The following METTL24 variants were observed in gnomAD, a reference collection of about 807,000 sequenced individuals.
METTL24 encodes probable methyltransferase-like protein 24.
A neutral mutation model predicts 32.7 loss-of-function variants in METTL24; 29 were observed. The observed-to-expected ratio is 0.89, with a 90% CI of 0.66 to 1.21. The LOEUF is 1.21. Ranked by LOEUF, METTL24 falls within the 50% of genes most tolerant of loss-of-function variation. The pLI is 0.00. For synonymous variants in METTL24, 163 were observed against 179.5 expected, an observed-to-expected ratio of 0.91 and a Z score of 0.73; for missense variants, 439 against 468.1, an observed-to-expected ratio of 0.94 and a Z score of 0.57.
intron 4 of METTL24, among the ~76,000 whole-genome samples, chr6:110,248,918 T>C (rs1778222138): frequency 1.3e-5 from 2 of 152,030 alleles, no homozygotes; most frequent in Non-Finnish European, 2.9e-5. Flanking sequence ...AAAGGAAATA[T>C]TTAATCAAAA....
At chr6:110,346,786 T>A (rs1772484889) in intron 1 of METTL24, among the ~76,000 whole-genome samples, 1 of 152,204 alleles carries the variant, frequency 6.6e-6, no homozygotes, top group Non-Finnish European at 1.5e-5. Context: ...ATTACAGGCG[T>A]GAGTCAGCAC....
At chr6:110,283,918 C>T (rs1771177973) in intron 4 of METTL24, among the ~76,000 whole-genome samples, 1 of 152,164 alleles carries the variant, frequency 6.6e-6, no homozygotes, top group Admixed American at 6.6e-5. Flanking sequence ...AGGGGTCAAG[C>T]AACTCCCGTG....
intron 4 of METTL24, among the ~76,000 whole-genome samples, chr6:110,267,226 T>A (rs1387897826): frequency 2.6e-5 from 4 of 152,120 alleles, no homozygotes; most frequent in African/African-American, 4.8e-5. Flanking sequence ...AAGGAAGGAT[T>A]AAGTGAAAGC....
intron 1 of METTL24, among the ~76,000 whole-genome samples, chr6:110,334,527 C>A (rs185949653): frequency 3.9e-5 from 6 of 152,280 alleles, no homozygotes; most frequent in Admixed American, 3.9e-4. Flanking sequence ...GTGCTTGAAT[C>A]CTCTCCTCTG....
intron 3 of METTL24, among the ~76,000 whole-genome samples, chr6:110,305,871 G>A (rs1227223637): frequency 6.6e-6 from 1 of 152,250 alleles, no homozygotes; most frequent in African/African-American, 2.4e-5. Context: ...AAAGGCACAT[G>A]CACACATATG....
intron 2 of METTL24, among the ~76,000 whole-genome samples, chr6:110,318,651 C>CAAAAAAAAAAAAA (rs56890760): frequency 2.2e-5 from 2 of 90,574 alleles, no homozygotes; most frequent in Admixed American, 1.3e-4. Context: ...GACTCTACCT[C>CAAAAAAAAAAAAA]AAAAAAAAAA....
In METTL24 at chr6:110,247,114, G is replaced by A. The variant is rs1486835619; in HGVS notation, c.787-854C>T. 3.3e-5 allele frequency among the ~76,000 whole-genome samples: 5 copies of A among 152,264 alleles called. No homozygotes were observed. In the South Asian group the frequency reaches 6.2e-4, roughly 19 times the overall value. Reference sequence around the variant, plus strand: ...TTTTCGCTGCCTGTGCAAAAAATCCGTTAGAACACCAGAACCCTAAACACA... The same window carrying A: ...TTTTCGCTGCCTGTGCAAAAAATCCATTAGAACACCAGAACCCTAAACACA... On this transcript the variant is annotated intron_variant, in intron 4 of 4. Coordinates refer to ENST00000338882, the MANE Select transcript of METTL24 (RefSeq NM_001123364.3).
chr6:110,321,057 C>T lies in METTL24; in HGVS notation c.417+1717G>A, dbSNP rs376627399. Among the ~76,000 whole-genome samples, 55 of 152,118 alleles carry T rather than the reference C, an allele frequency of 3.6e-4. 2 individuals carry two copies. In the South Asian group the frequency reaches 0.011, roughly 31 times the overall value. ...TTCAAGACCAGCCTGGCCAACATGG[C>T]AAAACCCTATCTCTACTAAAAATAC... On this transcript the variant is annotated intron_variant, in intron 2 of 4. Coordinates refer to ENST00000338882, the MANE Select transcript of METTL24 (RefSeq NM_001123364.3).
At chr6:110,278,637 T>A (rs1215937969) in intron 4 of METTL24, among the ~76,000 whole-genome samples, 2 of 152,192 alleles carry the variant, frequency 1.3e-5, no homozygotes, top group Non-Finnish European at 2.9e-5. Context: ...TGGACACTGC[T>A]TAAAAATATG....
chr6:110,259,925 T>C (rs527272064), intron 4 of METTL24, among the ~76,000 whole-genome samples: 156 of 152,204 alleles, frequency 1.0e-3, no homozygotes, highest in African/African-American at 3.6e-3. Flanking sequence ...GAAGGAAAAC[T>C]AACAAACAGA....
intron 4 of METTL24, among the ~76,000 whole-genome samples, chr6:110,282,289 A>G (rs1223700139): frequency 6.6e-6 from 1 of 152,178 alleles, no homozygotes; most frequent in Non-Finnish European, 1.5e-5. Context: ...AATAAAATAT[A>G]CCAAATCATC....
chr6:110,284,431 T>A (rs1414112874), intron 4 of METTL24, among the ~76,000 whole-genome samples: 1 of 152,170 alleles, frequency 6.6e-6, no homozygotes, highest in African/African-American at 2.4e-5. Context: ...ATTTATTATT[T>A]AAGCACAGGA....
chr6:110,336,960 A>G (rs1261938895), intron 1 of METTL24, among the ~76,000 whole-genome samples: 1 of 152,148 alleles, frequency 6.6e-6, no homozygotes, highest in Non-Finnish European at 1.5e-5. Flanking sequence ...TGCCATAAAG[A>G]CACATGCACG....
chr6:110,262,927 T>A (rs1770776681), intron 4 of METTL24, among the ~76,000 whole-genome samples: 2 of 152,160 alleles, frequency 1.3e-5, no homozygotes. Flanking sequence ...CAGCCCTTCA[T>A]GCTAAAAACT....
chr6:110,330,322 G>C (rs1772091288), intron 1 of METTL24, among the ~76,000 whole-genome samples: 1 of 152,188 alleles, frequency 6.6e-6, no homozygotes, highest in Admixed American at 6.5e-5. Flanking sequence ...CATTGACTAT[G>C]TCTGTCTCTC....
intron 1 of METTL24, among the ~76,000 whole-genome samples, chr6:110,348,472 G>T (rs1772525336): frequency 6.6e-6 from 1 of 152,180 alleles, no homozygotes; most frequent in South Asian, 2.1e-4. Context: ...TGAAGGAAAA[G>T]GCCCCCTTCT....
intron 4 of METTL24, among the ~76,000 whole-genome samples, chr6:110,260,355 A>G (rs1353185889): frequency 6.6e-6 from 1 of 152,230 alleles, no homozygotes; most frequent in East Asian, 1.9e-4. Flanking sequence ...AACTGGAAGA[A>G]AGGTTATCAG....
chr6:110,314,563 T>C (rs566496341), intron 3 of METTL24, among the ~76,000 whole-genome samples: 1 of 152,310 alleles, frequency 6.6e-6, no homozygotes, highest in Admixed American at 6.5e-5. Flanking sequence ...CCTTTTATCC[T>C]TTTTAAAAAT....
chr6:110,347,358 A>G (rs1244371868), intron 1 of METTL24, among the ~76,000 whole-genome samples: 1 of 152,244 alleles, frequency 6.6e-6, no homozygotes, highest in African/African-American at 2.4e-5. Context: ...GAAAAAATAT[A>G]TGCAACTCTC....
Sources: allele counts gnomAD v4.1 joint callset (sites outside exome capture counted in the v4.1 genomes callset), GRCh38; gene constraint gnomAD v4.1.1; transcripts MANE v1.5; gene names NCBI Gene and HGNC (gene_info 2026-07-23, HGNC 2026-07-21).